SGCE: variants seen among roughly 807,000 people sequenced by gnomAD.
SGCE encodes the protein sarcoglycan epsilon.
A neutral mutation model predicts 57.8 loss-of-function variants in SGCE; 26 were observed. The ratio of observed to expected loss-of-function variants is 0.45; its 90% CI spans 0.33 to 0.62. The LOEUF (loss-of-function observed/expected upper bound fraction) is 0.62. Ranked by LOEUF, SGCE falls within the 20% of genes least tolerant of loss-of-function variation. The pLI is 0.02. For missense variants in SGCE, 468 were observed against 548.6 expected (o/e 0.85, Z 1.47); for synonymous variants, 183 against 189.5 (o/e 0.97, Z 0.28).
intron 3 of SGCE, chr7:94,624,264 T>G: frequency 2.5e-6 from 1 of 394,494 alleles, no homozygotes; most frequent in South Asian, 1.3e-4. Flanking sequence ...GACAAAAGAG[T>G]AGGATAAAAC....
chr7:94,613,889 T>G (rs1562832500), intron 5 of SGCE, among the ~76,000 whole-genome samples: 2 of 152,080 alleles, frequency 1.3e-5, no homozygotes, highest in Admixed American at 6.6e-5. Context: ...CCCAACTTCT[T>G]TCTAATGTAC....
intron 1 of SGCE, among the ~76,000 whole-genome samples, chr7:94,653,956 T>C (rs1193356977): frequency 6.6e-6 from 1 of 152,090 alleles, no homozygotes; most frequent in African/African-American, 2.4e-5. Context: ...AAGAAAATAA[T>C]CGAGGAGAAT....
chr7:94,598,256 A>C (rs1798705445), intron 9 of SGCE: 2 of 175,198 alleles, frequency 1.1e-5, no homozygotes, highest in Non-Finnish European at 2.4e-5. Flanking sequence ...GCACTAGACA[A>C]GGTTTGCACT....
chr7:94,635,116 A>T (rs1214114230), intron 1 of SGCE, among the ~76,000 whole-genome samples: 1 of 152,166 alleles, frequency 6.6e-6, no homozygotes, highest in Non-Finnish European at 1.5e-5. Flanking sequence ...AAAGCATTTC[A>T]ATTTTATCAA....
chr7:94,637,954 C>T (rs1228386401), intron 1 of SGCE, among the ~76,000 whole-genome samples: 1 of 152,066 alleles, frequency 6.6e-6, no homozygotes, highest in Non-Finnish European at 1.5e-5. Flanking sequence ...GACCCATAAC[C>T]AGAAAATAGA....
intron 1 of SGCE, chr7:94,640,876 G>C (rs1196540778): frequency 6.6e-6 from 1 of 152,314 alleles, no homozygotes; most frequent in African/African-American, 2.4e-5. Flanking sequence ...TCGAACTCCA[G>C]GCCTCAGGTG....
At chr7:94,587,697 A>G in intron 10 of SGCE, 1 of 1,532,722 alleles carries the variant, frequency 6.5e-7, no homozygotes, top group South Asian at 1.3e-5. Flanking sequence ...ATTTAATTAA[A>G]GCAAGTAATC....
At chr7:94,640,801 C>T (rs997947791) in intron 1 of SGCE, 1 of 152,326 alleles carries the variant, frequency 6.6e-6, no homozygotes, top group Middle Eastern at 3.4e-3. Flanking sequence ...GCATGCACCA[C>T]CATGCCTGGC....
intron 1 of SGCE, among the ~76,000 whole-genome samples, chr7:94,640,661 T>G (rs937474775): frequency 1.3e-5 from 2 of 152,278 alleles, no homozygotes; most frequent in South Asian, 4.1e-4. Context: ...TGTTTTTGTT[T>G]TTTTGAGATG....
intron 3 of SGCE, chr7:94,623,882 C>A (rs531983277): frequency 8.4e-6 from 3 of 356,336 alleles, no homozygotes; most frequent in East Asian, 4.1e-5. Flanking sequence ...CATAAATAAC[C>A]CTTTGGAAAT....
chr7:94,589,496 G>A (rs1797365617), intron 9 of SGCE: 1 of 152,370 alleles, frequency 6.6e-6, no homozygotes, highest in African/African-American at 2.4e-5. Flanking sequence ...CTAAGACAGG[G>A]GTCCCCAACC....
At chr7:94,622,485 C>T (rs1475726196) in intron 4 of SGCE, 2 of 151,948 alleles carry the variant, frequency 1.3e-5, no homozygotes, top group African/African-American at 4.8e-5. Context: ...AAAAATTAGC[C>T]GGGTGTGGTG....
intron 9 of SGCE, among the ~76,000 whole-genome samples, chr7:94,596,978 TAA>T (rs1467042315): frequency 6.6e-6 from 1 of 152,104 alleles, no homozygotes; most frequent in Non-Finnish European, 1.5e-5. Flanking sequence ...TAAAAAGGGA[TAA>T]GAGGTTGTTA....
intron 1 of SGCE, among the ~76,000 whole-genome samples, chr7:94,630,893 C>G (rs1804603065): frequency 6.6e-6 from 1 of 151,968 alleles, no homozygotes; most frequent in African/African-American, 2.4e-5. Flanking sequence ...AGCAAGATCA[C>G]TGAACTACAT....
chr7:94,604,973 C>T (rs545202998), intron 5 of SGCE, among the ~76,000 whole-genome samples: 1 of 151,234 alleles, frequency 6.6e-6, no homozygotes, highest in Non-Finnish European at 1.5e-5. Flanking sequence ...CATAGGTTCA[C>T]TAAAAGATTG....
intron 5 of SGCE, among the ~76,000 whole-genome samples, chr7:94,610,720 C>G (rs1800885654): frequency 6.6e-6 from 1 of 152,108 alleles, no homozygotes; most frequent in Admixed American, 6.5e-5. Context: ...GAAGACAATC[C>G]ATGGAATAGG....
rs71123905 is a variant in SGCE, at chr7:94,601,443, C to CAAAAAAAAAAAA, written c.826-598_826-587dup. Among the ~76,000 whole-genome samples the CAAAAAAAAAAAA allele has an allele frequency of 1.1e-3, 95 of 89,280 alleles. 19 individuals carry two copies. The highest frequency in any genetic ancestry group is 3.5e-3 in the African/African-American group (61 of 17,284). 58.6% of individuals were successfully genotyped at this position (89,280 alleles called of 152,430 possible). ...GTCTTACTTAATTCTATCCCAGTATCAAAAAAAAAAAAAAAAAAAAAAAAA... is the reference window on the plus strand; with the variant it reads ...GTCTTACTTAATTCTATCCCAGTATCAAAAAAAAAAAAAAAAAAAAAAAAAAAAAAAAAAAAA... On this transcript the variant is annotated intron_variant, in intron 6 of 10. Coordinates refer to ENST00000648936, the MANE Select transcript of SGCE (RefSeq NM_003919.3).
chr7:94,598,020 G>GA (rs761723374), intron 9 of SGCE: 31 of 167,864 alleles, frequency 1.8e-4, no homozygotes, highest in Non-Finnish European at 3.2e-4. Context: ...AAAAAAAAAA[G>GA]AAAAAAAGAG....
Position 94,600,663 on chromosome 7 carries a change from G to A in SGCE, c.1020C>T (p.Cys340=). The change falls in exon 7 of 11, where the codon TGC becomes TGT. Residue 340 remains cysteine, a synonymous_variant. Coordinates refer to ENST00000648936, the MANE Select transcript of SGCE (RefSeq NM_003919.3). The stretch of plus-strand genomic sequence containing the variant: ...GTACTCACACGCCTTCCCGTCGGCA[G>A]CACATGATATAAGCAAGTATTAGAA... The part of the protein sequence containing the change: ...VLFLILAYIM[C]CRREGVEKRN... 2 of 1,613,084 alleles carry A rather than the reference G, an allele frequency of 1.2e-6. No homozygotes were observed. The highest frequency in any genetic ancestry group is 1.7e-6 in the Non-Finnish European group (2 of 1,179,272).
Sources: allele counts gnomAD v4.1 joint callset (sites outside exome capture counted in the v4.1 genomes callset), GRCh38; gene constraint gnomAD v4.1.1; transcripts MANE v1.5; gene names NCBI Gene and HGNC (gene_info 2026-07-23, HGNC 2026-07-21).